Variants in CDC25C observed in about 807,000 individuals in gnomAD.
The protein encoded by CDC25C is M-phase inducer phosphatase 3.
In CDC25C, 48 loss-of-function variants were observed where a neutral mutation model predicts 52.5. That is an observed-to-expected ratio of 0.91 (90% CI 0.72 to 1.16). CDC25C has a LOEUF of 1.16. Ranked by LOEUF, CDC25C falls within the 50% of genes most tolerant of loss-of-function variation. The probability of loss-of-function intolerance (pLI) is 0.00; values close to 1 mark genes in which losing one functional copy is unlikely to be tolerated. For synonymous variants in CDC25C, 187 were observed against 206.5 expected (o/e 0.91, Z 0.81); for missense variants, 510 against 566.1 (o/e 0.90, Z 1.01).
chr5:138,317,932 T>C (rs1306178078), intron 7 of CDC25C, among the ~76,000 whole-genome samples: 3 of 152,210 alleles, frequency 2.0e-5, no homozygotes, highest in African/African-American at 7.2e-5. Flanking sequence ...CTAGATTACT[T>C]TGATGGTGAT....
At chr5:138,329,890 C>T (rs1760216603) in intron 2 of CDC25C, among the ~76,000 whole-genome samples, 1 of 152,044 alleles carries the variant, frequency 6.6e-6, no homozygotes, top group South Asian at 2.1e-4. Flanking sequence ...GCCACCACGC[C>T]CAGCTAATTT....
intron 7 of CDC25C, among the ~76,000 whole-genome samples, chr5:138,309,245 A>G (rs1758259239): frequency 6.6e-6 from 1 of 151,964 alleles, no homozygotes; most frequent in African/African-American, 2.4e-5. Context: ...AAAAACATAA[A>G]AATACTTCAT....
intron 6 of CDC25C, among the ~76,000 whole-genome samples, chr5:138,325,386 G>A (rs977680669): frequency 2.6e-5 from 4 of 152,062 alleles, no homozygotes; most frequent in South Asian, 2.1e-4. Flanking sequence ...TGGCCTCCTC[G>A]GAATAAGGGC....
chr5:138,328,720 G>A (rs1214853608), intron 3 of CDC25C, 191 bp from the exon 4 acceptor site: 1 of 528,934 alleles, frequency 1.9e-6, no homozygotes, highest in Non-Finnish European at 3.4e-6. Flanking sequence ...GAATTTATAT[G>A]TGTCACTAAA....
chr5:138,328,300 C>T (rs935524286), intron 4 of CDC25C, among the ~76,000 whole-genome samples, 184 bp downstream of exon 4: 7 of 152,222 alleles, frequency 4.6e-5, no homozygotes, highest in Admixed American at 6.5e-5. Flanking sequence ...GAATAGCCTT[C>T]ATTTTCACAA....
chr5:138,317,232 T>A (rs1429825454), intron 7 of CDC25C, among the ~76,000 whole-genome samples: 3 of 151,816 alleles, frequency 2.0e-5, no homozygotes, highest in Non-Finnish European at 4.4e-5. Context: ...CAAGACCCTA[T>A]CTAATTAATT....
intron 7 of CDC25C, among the ~76,000 whole-genome samples, chr5:138,304,563 T>C (rs1405430631): frequency 7.3e-5 from 11 of 151,372 alleles, no homozygotes; most frequent in Admixed American, 1.3e-4. Context: ...TGGAATGCAG[T>C]GGCACGATCA....
chr5:138,286,276 G>T lies in CDC25C; in HGVS notation c.1161-143C>A, dbSNP rs1006154671. On this transcript the variant is annotated intron_variant, in intron 12 of 13. Transcript: ENST00000323760. ...CAATCTCCCTGTGTTTGCAAAAAAA[G>T]GTCCAAGTAGTACCACCCTTCCTCC... 11 of 792,114 alleles carry T rather than the reference G, an allele frequency of 1.4e-5. No homozygotes were observed. In the African/African-American group the frequency reaches 1.6e-4, roughly 11 times the overall value. 49.1% of individuals were successfully genotyped at this position (792,114 alleles called of 1,614,324 possible).
At chr5:138,316,178 A>G (rs1758856577) in intron 7 of CDC25C, among the ~76,000 whole-genome samples, 1 of 151,898 alleles carries the variant, frequency 6.6e-6, no homozygotes, top group South Asian at 2.1e-4. Flanking sequence ...TGCAGCCTGC[A>G]CCCTTGGGGG....
chr5:138,333,966 C>T (rs1257844322), upstream of CDC25C, among the ~76,000 whole-genome samples: 2 of 151,498 alleles, frequency 1.3e-5, no homozygotes, highest in Non-Finnish European at 2.9e-5. Context: ...GATGGAGTCT[C>T]GCTCTCTCCC....
At chr5:138,314,400 A>G (rs1758707544) in intron 7 of CDC25C, among the ~76,000 whole-genome samples, 1 of 150,080 alleles carries the variant, frequency 6.7e-6, no homozygotes, top group African/African-American at 2.5e-5. Flanking sequence ...GGTTCAAGTG[A>G]TTCTCCTGCC....
In CDC25C at chr5:138,299,074, T is replaced by A. The variant is rs551405818; in HGVS notation, c.616-6958A>T. Among the ~76,000 whole-genome samples the A allele has an allele frequency of 2.0e-3, 293 of 149,060 alleles. 2 individuals carry two copies. The highest frequency in any genetic ancestry group is 6.7e-3 in the African/African-American group (270 of 40,288). On this transcript the variant is annotated intron_variant, in intron 7 of 13. Coordinates refer to ENST00000323760, the MANE Select transcript of CDC25C (RefSeq NM_001790.5). The stretch of plus-strand genomic sequence containing the variant: ...TGGGTGTGGTGGCGGGTGCCTGTAG[T>A]CCCAGCTACTCGGGAGGCTGAGGCA...
chr5:138,325,150 C>T (rs1364741632), intron 6 of CDC25C, among the ~76,000 whole-genome samples: 3 of 151,918 alleles, frequency 2.0e-5, no homozygotes, highest in East Asian at 1.9e-4. Flanking sequence ...TAAGAACAGC[C>T]GAAAACATGA....
upstream of CDC25C, among the ~76,000 whole-genome samples, chr5:138,334,120 G>A (rs914654589): frequency 6.6e-6 from 1 of 151,906 alleles, no homozygotes; most frequent in African/African-American, 2.4e-5. Context: ...TTTTAATAGA[G>A]GTGGGGTTTC....
At chr5:138,334,731 A>G (rs908241871), upstream of CDC25C, among the ~76,000 whole-genome samples, 10 of 152,330 alleles carry the variant, frequency 6.6e-5, no homozygotes, top group Non-Finnish European at 1.5e-4. Flanking sequence ...TCATGATTCC[A>G]GCTGGCTTAG....
chr5:138,332,938 T>C (rs1760499717), upstream of CDC25C, among the ~76,000 whole-genome samples: 1 of 152,096 alleles, frequency 6.6e-6, no homozygotes, highest in Admixed American at 6.6e-5. Context: ...GACTGTTGAG[T>C]GATGGGGGCA....
chr5:138,292,167 C>T, intron 7 of CDC25C, 51 bp from the exon 8 acceptor site: 1 of 1,449,322 alleles, frequency 6.9e-7, no homozygotes, highest in Non-Finnish European at 9.4e-7. Flanking sequence ...AGTGTGTCTG[C>T]AGACCTGCAG....
intron 7 of CDC25C, among the ~76,000 whole-genome samples, chr5:138,303,390 G>A (rs1400946360): frequency 6.6e-6 from 1 of 151,554 alleles, no homozygotes; most frequent in African/African-American, 2.4e-5. Context: ...CATCTGACTC[G>A]GTTTTTGCAG....
chr5:138,329,156 C>A (rs1760132536), intron 3 of CDC25C, among the ~76,000 whole-genome samples: 1 of 152,156 alleles, frequency 6.6e-6, no homozygotes, highest in East Asian at 1.9e-4. Context: ...GCCCGCCTTG[C>A]CCTCCCAAAG....
Sources: gnomAD v4.1 joint callset for allele counts (sites outside exome capture counted in the v4.1 genomes callset) on GRCh38, gnomAD v4.1.1 for gene constraint, MANE v1.5 for transcripts, NCBI Gene and HGNC (gene_info 2026-07-23, HGNC 2026-07-21) for gene names.